MTA3: variants seen among roughly 807,000 people sequenced by gnomAD.
The protein encoded by MTA3 is metastasis associated 1 family member 3.
In MTA3, 34 loss-of-function variants were observed where a neutral mutation model predicts 83.5. The ratio of observed to expected loss-of-function variants is 0.41; its 90% CI spans 0.31 to 0.54. MTA3 has a LOEUF of 0.54. MTA3 is among the 20% of genes least tolerant of loss of function. The pLI is 0.33. For synonymous variants in MTA3, 303 were observed against 252.7 expected, an observed-to-expected ratio of 1.20 and a Z score of -1.89; for missense variants, 761 against 726.4, an observed-to-expected ratio of 1.05 and a Z score of -0.55.
intron 3 of MTA3, among the ~76,000 whole-genome samples, chr2:42,601,355 A>C (rs1012909867): frequency 5.9e-5 from 9 of 152,182 alleles, no homozygotes; most frequent in African/African-American, 2.2e-4. Flanking sequence ...CCTCTTACAG[A>C]GGCAAGACCT....
At chr2:42,596,724 G>C (rs1015843152) in intron 3 of MTA3, among the ~76,000 whole-genome samples, 4 of 152,070 alleles carry the variant, frequency 2.6e-5, no homozygotes, top group Non-Finnish European at 5.9e-5. Context: ...AGAAAGCCTT[G>C]TGTTAGCTTT....
At chr2:42,709,328 AGT>A in intron 14 of MTA3, 1 of 1,335,572 alleles carries the variant, frequency 7.5e-7, no homozygotes, top group Non-Finnish European at 9.6e-7. Flanking sequence ...ACCAGAGAGT[AGT>A]GCTTAGCAAA....
At chr2:42,733,211 A>G (rs1366287901) in intron 16 of MTA3, among the ~76,000 whole-genome samples, 1 of 152,254 alleles carries the variant, frequency 6.6e-6, no homozygotes, top group Non-Finnish European at 1.5e-5. Context: ...AATTGGACTT[A>G]CAGTTCCATA....
At chr2:42,719,145 A>G (rs1667233195) in intron 15 of MTA3, 71 bp downstream of exon 15, 2 of 1,130,580 alleles carry the variant, frequency 1.8e-6, no homozygotes, top group African/African-American at 1.5e-5. Context: ...GGCAATTCTA[A>G]ATGGACATAC....
In MTA3 at chr2:42,695,826, GAT is replaced by G; in HGVS notation, c.956_957del (p.Tyr319CysfsTer12). The G allele has an allele frequency of 6.3e-7, 1 of 1,583,384 alleles. No homozygotes were observed. The highest frequency in any genetic ancestry group is 8.6e-7 in the Non-Finnish European group (1 of 1,163,512). Reference sequence around the variant, plus strand: ...TATTACATGTGGAAAACTACTGACAGATATGTGCAACAGGTAATTTTTTTCAT... The same window carrying G: ...TATTACATGTGGAAAACTACTGACAGATGTGCAACAGGTAATTTTTTTCAT... On this transcript the variant is annotated frameshift_variant, in exon 10 of 17. Coordinates refer to ENST00000405094, the MANE Select transcript of MTA3 (RefSeq NM_001330442.2). LOFTEE classifies it high-confidence loss of function.
chr2:42,525,314 C>G (rs1011749353), intron 2 of MTA3, among the ~76,000 whole-genome samples: 2 of 152,058 alleles, frequency 1.3e-5, no homozygotes, highest in African/African-American at 4.8e-5. Flanking sequence ...ATTCTCGTGC[C>G]TCAGCCTCCT....
rs145283974 is a variant in MTA3, at chr2:42,622,877, G to A, written c.317+13293G>A. Among the ~76,000 whole-genome samples the A allele has an allele frequency of 3.6e-3, 552 of 152,194 alleles. 6 individuals carry two copies. Among genetic ancestry groups the A allele is most frequent in the African/African-American group, 0.013 (525 of 41,528 alleles). On this transcript the variant is annotated intron_variant, in intron 4 of 16. Coordinates refer to ENST00000405094, the MANE Select transcript of MTA3 (RefSeq NM_001330442.2). ...CAAACAAAAGTGCTGGAGGACTTAC[G>A]TTGCTTATATCATTAGATTGGAAGA...
chr2:42,699,481 C>G (rs372374759), intron 11 of MTA3, among the ~76,000 whole-genome samples: 1 of 152,066 alleles, frequency 6.6e-6, no homozygotes, highest in African/African-American at 2.4e-5. Context: ...TTAAGATCAC[C>G]TGCTATATGT....
intron 16 of MTA3, among the ~76,000 whole-genome samples, chr2:42,749,399 C>T (rs775898457): frequency 2.0e-5 from 3 of 152,104 alleles, no homozygotes; most frequent in Non-Finnish European, 4.4e-5. Flanking sequence ...AGGTTCATAA[C>T]CCCTCCAATT....
At chr2:42,605,207 G>A (rs1357354906) in intron 3 of MTA3, among the ~76,000 whole-genome samples, 60 of 86,752 alleles carry the variant, frequency 6.9e-4, no homozygotes, top group East Asian at 1.1e-3. Flanking sequence ...CTGGCCGGGC[G>A]GGGGGGCTGA....
At chr2:42,516,632 T>C (rs181273022) in intron 2 of MTA3, among the ~76,000 whole-genome samples, 110 of 152,252 alleles carry the variant, frequency 7.2e-4, no homozygotes, top group Non-Finnish European at 1.4e-3. Context: ...CTTGGAACTA[T>C]TGAGGAATGT....
intron 2 of MTA3, among the ~76,000 whole-genome samples, chr2:42,560,763 G>A (rs577384391): frequency 9.1e-4 from 139 of 151,926 alleles, no homozygotes; most frequent in Admixed American, 3.4e-3. Context: ...AAAATTAGCG[G>A]GGATATGGTG....
chr2:42,649,062 T>TA (rs1688465057), intron 6 of MTA3, among the ~76,000 whole-genome samples: 1 of 152,168 alleles, frequency 6.6e-6, no homozygotes, highest in South Asian at 2.1e-4. Flanking sequence ...GCCCAGCTGT[T>TA]ACAGTCTTCT....
In MTA3 at chr2:42,755,915, G is replaced by A; in HGVS notation, c.*2516G>A. ...CCTGCCCACCCTTCACTTCTTAAAG[G>A]TGCGCAAGAGAGGAGGGCCGACTGG... On this transcript the variant is annotated 3_prime_UTR_variant, in exon 17 of 17. Coordinates refer to ENST00000405094, the MANE Select transcript of MTA3 (RefSeq NM_001330442.2). 1 of 985,536 alleles carries A rather than the reference G, an allele frequency of 1.0e-6. No homozygotes were observed. The highest frequency in any genetic ancestry group is 1.2e-6 in the Non-Finnish European group (1 of 830,030). The allele number at this position is 985,536 out of a possible 1,614,324, so 61.0% of individuals were successfully genotyped here.
At chr2:42,645,380 C>T (rs1688083840) in intron 6 of MTA3, among the ~76,000 whole-genome samples, 1 of 151,976 alleles carries the variant, frequency 6.6e-6, no homozygotes. Context: ...CAAAAACTAG[C>T]CAAGTGTGAT....
intron 16 of MTA3, among the ~76,000 whole-genome samples, chr2:42,749,843 C>G (rs1022888748): frequency 6.6e-6 from 1 of 152,086 alleles, no homozygotes; most frequent in Admixed American, 6.5e-5. Flanking sequence ...ATTAGCCTAC[C>G]ACGATAGGAA....
At chr2:42,707,137 AC>A (rs1666166608) in intron 12 of MTA3, among the ~76,000 whole-genome samples, 1 of 151,928 alleles carries the variant, frequency 6.6e-6, no homozygotes, top group South Asian at 2.1e-4. Flanking sequence ...GCTGACAGAT[AC>A]CTGTTTTTAT....
intron 2 of MTA3, among the ~76,000 whole-genome samples, chr2:42,556,329 G>C (rs191884051): frequency 2.0e-5 from 3 of 152,168 alleles, no homozygotes; most frequent in Admixed American, 2.0e-4. Context: ...AGGGCCCCCA[G>C]CTTTCTCTTA....
upstream of MTA3, among the ~76,000 whole-genome samples, chr2:42,567,394 A>G (rs1677962905): frequency 6.6e-6 from 1 of 152,196 alleles, no homozygotes; most frequent in Non-Finnish European, 1.5e-5. Flanking sequence ...TGACCATCAC[A>G]AATGTCATCA....
Sources: gnomAD v4.1 joint callset for allele counts (sites outside exome capture counted in the v4.1 genomes callset) on GRCh38, gnomAD v4.1.1 for gene constraint, MANE v1.5 for transcripts, NCBI Gene and HGNC (gene_info 2026-07-23, HGNC 2026-07-21) for gene names.